TMC5: variants seen among roughly 807,000 people sequenced by gnomAD.
TMC5 encodes transmembrane channel like 5, also known as transmembrane channel-like protein 5.
Under a neutral mutation model 110.5 loss-of-function variants are expected in TMC5, and 86 were observed. The observed-to-expected ratio is 0.78, with a 90% CI of 0.65 to 0.93. The LOEUF (loss-of-function observed/expected upper bound fraction) is 0.93. Among genes scored for constraint, TMC5 ranks in the 40% least tolerant of loss-of-function variants. TMC5 has a pLI of 0.00. For missense variants in TMC5, 1,144 were observed against 1,222.8 expected, an observed-to-expected ratio of 0.94 and a Z score of 0.96; for synonymous variants, 455 against 439.5, an observed-to-expected ratio of 1.04 and a Z score of -0.44.
intron 5 of TMC5, among the ~76,000 whole-genome samples, chr16:19,459,706 C>T (rs1000295102): frequency 1.3e-5 from 2 of 151,844 alleles, no homozygotes; most frequent in Non-Finnish European, 2.9e-5. Context: ...CGCTTGAGCC[C>T]AGGAGTTCAA....
chr16:19,439,161 C>A (rs1385927587), intron 2 of TMC5, among the ~76,000 whole-genome samples: 3 of 152,130 alleles, frequency 2.0e-5, no homozygotes, highest in Non-Finnish European at 4.4e-5. Context: ...AATCTTTAGG[C>A]CAAACTTAAA....
chr16:19,492,236 C>A lies in TMC5; in HGVS notation c.2826+8C>A. Reference sequence around the variant, plus strand: ...CATGAGCAGATCATTAATGTAAGTCCCCTTGGATCCCTCTGATGTCCGCCC... The same window carrying A: ...CATGAGCAGATCATTAATGTAAGTCACCTTGGATCCCTCTGATGTCCGCCC... On this transcript the variant is annotated splice_region_variant and intron_variant, in intron 19 of 21. Transcript: ENST00000542583. 6.2e-7 allele frequency: 1 copy of A among 1,605,168 alleles called. No individual in the cohort carries two copies. Among genetic ancestry groups the A allele is most frequent in the Non-Finnish European group, 8.5e-7 (1 of 1,172,200 alleles).
rs1164926434 is a variant in TMC5, at chr16:19,463,673, C to G, written c.1237-103C>G. 5.0e-6 allele frequency: 7 copies of G among 1,402,770 alleles called. No individual in the cohort carries two copies. The African/African-American group carries it at 1.0e-4, about 20-fold the overall frequency. The allele number at this position is 1,402,770 out of a possible 1,614,324, so 86.9% of individuals were successfully genotyped here. A position where few individuals can be genotyped will look rare whatever the true frequency, so the allele number is the denominator to read the frequency against. ...TGCCTAGCATGGTGCCTGCACTTAA[C>G]AATACTCCAGACATGGTGGCTGTTT... On this transcript the variant is annotated intron_variant, in intron 7 of 21. Transcript: ENST00000542583.
intron 11 of TMC5, among the ~76,000 whole-genome samples, chr16:19,473,340 C>G (rs1281584219): frequency 1.1e-5 from 1 of 89,090 alleles, no homozygotes; most frequent in Non-Finnish European, 1.9e-5. Context: ...AGCGAGACTC[C>G]GGCTCAAAAA....
chr16:19,457,560 T>C (rs7192082), intron 5 of TMC5, among the ~76,000 whole-genome samples: 17,988 of 151,982 alleles, frequency 0.12, 1,884 homozygotes, highest in African/African-American at 0.28. Flanking sequence ...CTTTTTGTTA[T>C]CCATCGAATT....
intron 8 of TMC5, among the ~76,000 whole-genome samples, chr16:19,465,037 TTC>T (rs1567314553): frequency 4.9e-4 from 53 of 108,272 alleles, no homozygotes; most frequent in African/African-American, 1.4e-3. Flanking sequence ...CTTTCTTTCT[TTC>T]TTTCTTTCTT....
At chr16:19,435,008 T>C (rs1967309231) in intron 2 of TMC5, among the ~76,000 whole-genome samples, 1 of 152,190 alleles carries the variant, frequency 6.6e-6, no homozygotes, top group Non-Finnish European at 1.5e-5. Flanking sequence ...GTAACGTATA[T>C]TCACCTAGAA....
At chr16:19,473,542 T>C (rs1484031174) in intron 11 of TMC5, among the ~76,000 whole-genome samples, 1 of 151,930 alleles carries the variant, frequency 6.6e-6, no homozygotes, top group South Asian at 2.1e-4. Flanking sequence ...CACAGAATGA[T>C]TGTTCGAGCT....
At chr16:19,421,698 T>C (rs1246013557) in intron 1 of TMC5, among the ~76,000 whole-genome samples, 1 of 152,190 alleles carries the variant, frequency 6.6e-6, no homozygotes, top group African/African-American at 2.4e-5. Context: ...GCATTGAATC[T>C]AGAAACTTCC....
upstream of TMC5, among the ~76,000 whole-genome samples, chr16:19,413,523 CAAAAAAAAAAAAAAAAAAA>C (rs869158130): frequency 0.057 from 3,020 of 53,004 alleles, 77 homozygotes; most frequent in South Asian, 0.15. Context: ...AACCCTGCCT[CAAAAAAAAAAAAAAAAAAA>C]AAAAAAAAAA....
intron 1 of TMC5, among the ~76,000 whole-genome samples, chr16:19,419,877 G>A (rs910501098): frequency 6.6e-6 from 1 of 152,112 alleles, no homozygotes; most frequent in African/African-American, 2.4e-5. Flanking sequence ...AGGAGGTGAC[G>A]CTATTATTGC....
Position 19,440,452 on chromosome 16 carries a change from A to G in TMC5, c.414A>G (p.Ala138=). Residue 138 remains alanine, a synonymous_variant, in exon 3 of 22, where the codon GCA becomes GCG. Transcript: ENST00000542583. The part of the protein sequence containing the change: ...YPGSQRNPDF[A]GSSSSGNYAG... The stretch of plus-strand genomic sequence containing the variant: ...GATCTCAACGAAATCCTGATTTTGC[A>G]GGCTCCAGCAGCAGTGGAAACTATG... The G allele has an allele frequency of 6.2e-7, 1 of 1,614,086 alleles. No individual in the cohort carries two copies. Among genetic ancestry groups the G allele is most frequent in the Non-Finnish European group, 8.5e-7 (1 of 1,180,032 alleles).
At chr16:19,486,847 C>T in intron 15 of TMC5, 98 bp from the exon 16 acceptor site, 2 of 1,067,606 alleles carry the variant, frequency 1.9e-6, no homozygotes, top group African/African-American at 1.6e-5. Context: ...ACAATCCAGG[C>T]CACAATATCT....
intron 1 of TMC5, among the ~76,000 whole-genome samples, chr16:19,419,934 T>G (rs1966947157): frequency 6.6e-6 from 1 of 152,124 alleles, no homozygotes; most frequent in Admixed American, 6.6e-5. Flanking sequence ...CAGAGATAAA[T>G]CACAGCAGCT....
rs535473689 is a variant in TMC5 at position 19,425,114 on chromosome 16, A to G, written c.-307-5299A>G. The stretch of plus-strand genomic sequence containing the variant: ...ACCTAAGAAATTCCAACGTTTTAGG[A>G]GCCTGTGCCGGAAACCTGGAATAAA... On this transcript the variant is annotated intron_variant, in intron 1 of 21. Coordinates refer to ENST00000542583, the MANE Select transcript of TMC5 (RefSeq NM_001261841.2). Among the ~76,000 whole-genome samples, 7 of 152,330 alleles carry G rather than the reference A, an allele frequency of 4.6e-5. No individual in the cohort carries two copies. The South Asian group carries it at 6.2e-4, about 14-fold the overall frequency.
Position 19,427,857 on chromosome 16 carries a change from TC to T in TMC5, c.-307-2555del, listed in dbSNP as rs1967117550. ...TCTAGATCCATAGTTTCTGCCACTC[TC>T]TTTCTTAAATAGAATGAAAGCCAGC... On this transcript the variant is annotated intron_variant, in intron 1 of 21. Coordinates refer to ENST00000542583, the MANE Select transcript of TMC5 (RefSeq NM_001261841.2). Among the ~76,000 whole-genome samples, 25 of 108,164 alleles carry T rather than the reference TC, an allele frequency of 2.3e-4. No individual in the cohort carries two copies. The South Asian group carries it at 0.011, about 46-fold the overall frequency. The allele number at this position is 108,164 out of a possible 152,430, so 71.0% of individuals were successfully genotyped here. A position where few individuals can be genotyped will look rare whatever the true frequency, so the allele number is the denominator to read the frequency against.
At chr16:19,416,782 G>A (rs768040153), upstream of TMC5, among the ~76,000 whole-genome samples, 1 of 152,134 alleles carries the variant, frequency 6.6e-6, no homozygotes, top group Non-Finnish European at 1.5e-5. Context: ...TTGCCAAAGG[G>A]GATGTATCTA....
At position 19,477,316 on chromosome 16, in the gene TMC5, G is replaced by T. The variant is rs1008417580; in HGVS notation, c.2091-124G>T. 16 of 710,648 alleles carry T rather than the reference G, an allele frequency of 2.3e-5. 1 individual carries two copies. The highest frequency in any genetic ancestry group is 3.5e-5 in the Non-Finnish European group (14 of 396,366). The allele number at this position is 710,648 out of a possible 1,614,324, so 44.0% of individuals were successfully genotyped here. A position where few individuals can be genotyped will look rare whatever the true frequency, so the allele number is the denominator to read the frequency against. The stretch of plus-strand genomic sequence containing the variant: ...CAATTCATTCACTGGAACTAGCCAT[G>T]TGCCCCCCTCCAACCACAGGGGCCA... On this transcript the variant is annotated intron_variant, in intron 12 of 21. Coordinates refer to ENST00000542583, the MANE Select transcript of TMC5 (RefSeq NM_001261841.2).
At chr16:19,471,714 G>A (rs1303156283) in intron 10 of TMC5, among the ~76,000 whole-genome samples, 1 of 152,016 alleles carries the variant, frequency 6.6e-6, no homozygotes. Flanking sequence ...AGTGGAGAGG[G>A]ATCTCTGGAT....
Sources: allele counts gnomAD v4.1 joint callset (sites outside exome capture counted in the v4.1 genomes callset), GRCh38; gene constraint gnomAD v4.1.1; transcripts MANE v1.5; gene names NCBI Gene and HGNC (gene_info 2026-07-23, HGNC 2026-07-21).